The following FBN1 variants were observed in gnomAD, a reference collection of about 807,000 sequenced individuals.
FBN1 encodes the protein fibrillin-1.
Under a neutral mutation model 365.1 loss-of-function variants are expected in FBN1, and 29 were observed. The observed-to-expected ratio is 0.08, with a 90% CI of 0.06 to 0.11. FBN1 has a LOEUF of 0.11. Ranked by LOEUF, FBN1 falls within the 10% of genes least tolerant of loss-of-function variation. The pLI, the probability that FBN1 is intolerant of heterozygous loss-of-function variation, is 1.00. For synonymous variants in FBN1, 1,210 were observed against 1,270.5 expected, an observed-to-expected ratio of 0.95 and a Z score of 1.01; for missense variants, 2,476 against 3,703.2, an observed-to-expected ratio of 0.67 and a Z score of 8.60.
chr15:48,458,569 T>C (rs2141262427), intron 43 of FBN1, among the ~76,000 whole-genome samples: 2 of 152,332 alleles, frequency 1.3e-5, no homozygotes, highest in East Asian at 3.9e-4. Context: ...ACACGAAACA[T>C]CATATTCACA....
intron 43 of FBN1, among the ~76,000 whole-genome samples, chr15:48,457,533 G>T (rs935577336): frequency 2.6e-5 from 4 of 152,160 alleles, no homozygotes; most frequent in South Asian, 4.1e-4. Context: ...GGGCTGGCCA[G>T]CTATGGATAG....
intron 60 of FBN1, among the ~76,000 whole-genome samples, chr15:48,422,888 C>T (rs903472599): frequency 6.6e-6 from 1 of 152,100 alleles, no homozygotes; most frequent in Admixed American, 6.5e-5. Flanking sequence ...GATCGCACCA[C>T]TGCACTCCAG....
intron 32 of FBN1, among the ~76,000 whole-genome samples, chr15:48,479,619 T>G (rs1426665331): frequency 6.6e-6 from 1 of 152,236 alleles, no homozygotes; most frequent in Non-Finnish European, 1.5e-5. Context: ...GAAAAAGATT[T>G]GAAGAGGATC....
At chr15:48,575,318 CATATGTAT>C (rs1398539519) in intron 6 of FBN1, among the ~76,000 whole-genome samples, 6 of 129,422 alleles carry the variant, frequency 4.6e-5, no homozygotes, top group Non-Finnish European at 8.2e-5. Flanking sequence ...TATGTATTTA[CATATGTAT>C]GTATGTATGT....
intron 4 of FBN1, among the ~76,000 whole-genome samples, chr15:48,601,275 G>A (rs1295583205): frequency 6.6e-6 from 1 of 152,212 alleles, no homozygotes; most frequent in Non-Finnish European, 1.5e-5. Flanking sequence ...TTTCTCCAGT[G>A]TTCAGGCTAT....
chr15:48,583,039 T>TGG (rs2044407571), intron 6 of FBN1, among the ~76,000 whole-genome samples: 1 of 152,248 alleles, frequency 6.6e-6, no homozygotes, highest in Non-Finnish European at 1.5e-5. Context: ...ACAGCACCAC[T>TGG]GCACACCTCT....
At chr15:48,423,899 G>C (rs991952979) in intron 60 of FBN1, among the ~76,000 whole-genome samples, 6 of 152,148 alleles carry the variant, frequency 3.9e-5, no homozygotes, top group African/African-American at 1.4e-4. Context: ...CACTCCTAAA[G>C]CCATAAAGAG....
At chr15:48,472,458 TAAAAA>T (rs67860867) in intron 35 of FBN1, 88 bp downstream of exon 35, 431 of 1,180,900 alleles carry the variant, frequency 3.6e-4, no homozygotes, top group African/African-American at 1.4e-3. Context: ...CACCTCAGTT[TAAAAA>T]AAAAAAAAAA....
intron 9 of FBN1, among the ~76,000 whole-genome samples, chr15:48,524,588 G>A (rs116868609): frequency 0.013 from 2,009 of 152,228 alleles, 17 homozygotes; most frequent in Non-Finnish European, 0.021. Context: ...AAGAAGAAAC[G>A]GGGCTTGCCT....
intron 2 of FBN1, among the ~76,000 whole-genome samples, chr15:48,615,505 T>G (rs1889634770): frequency 6.6e-6 from 1 of 152,016 alleles, no homozygotes; most frequent in Non-Finnish European, 1.5e-5. Context: ...ATGTTTAGAA[T>G]CAATCTACAG....
At position 48,516,430 on chromosome 15, in the gene FBN1, T is replaced by A. The variant is rs2043803321; in HGVS notation, c.1148-68A>T. 3.4e-6 allele frequency: 5 copies of A among 1,463,686 alleles called. No homozygotes were observed. The East Asian group carries it at 1.1e-4, about 33-fold the overall frequency. The allele number at this position is 1,463,686 out of a possible 1,614,324, so 90.7% of individuals were successfully genotyped here. ...GCTTATGATCATAGGCCCACAGAAG[T>A]CATCCTTATTTTTTTAAAGATATTT... On this transcript the variant is annotated intron_variant, in intron 10 of 65. Transcript: ENST00000316623.
At chr15:48,460,350 A>G (rs1376458215) in intron 42 of FBN1, 33 bp from the exon 43 acceptor site, 2 of 1,384,110 alleles carry the variant, frequency 1.4e-6, no homozygotes, top group Admixed American at 3.4e-5. Context: ...GGATGGGAGG[A>G]TAGGGGTCAG....
At chr15:48,605,308 T>C (rs1231271670) in intron 4 of FBN1, among the ~76,000 whole-genome samples, 2 of 152,076 alleles carry the variant, frequency 1.3e-5, no homozygotes, top group African/African-American at 4.8e-5. Context: ...CAGAAAAAAG[T>C]TGGAGAAAAT....
intron 6 of FBN1, among the ~76,000 whole-genome samples, chr15:48,547,934 C>A (rs1410148302): frequency 6.6e-6 from 1 of 152,046 alleles, no homozygotes; most frequent in African/African-American, 2.4e-5. Flanking sequence ...GAAGAAAGTA[C>A]AAGCATTACT....
chr15:48,458,381 A>G (rs1003557079), intron 43 of FBN1, among the ~76,000 whole-genome samples: 3 of 152,236 alleles, frequency 2.0e-5, no homozygotes, highest in Non-Finnish European at 4.4e-5. Context: ...TAATGAAAAG[A>G]AACAGCTTAG....
intron 48 of FBN1, 44 bp from the exon 49 acceptor site, chr15:48,444,704 T>C (rs1219312914): frequency 1.2e-6 from 2 of 1,608,516 alleles, no homozygotes; most frequent in Non-Finnish European, 8.5e-7. Flanking sequence ...CCCACTGGCA[T>C]GACTTCCATC....
At chr15:48,611,427 AT>A (rs1219485169) in intron 3 of FBN1, among the ~76,000 whole-genome samples, 2 of 151,914 alleles carry the variant, frequency 1.3e-5, no homozygotes, top group African/African-American at 4.8e-5. Flanking sequence ...TGCCCAGCTA[AT>A]TTTTTGTATT....
chr15:48,638,339 C>T (rs1209904069), intron 2 of FBN1, among the ~76,000 whole-genome samples: 5 of 151,958 alleles, frequency 3.3e-5, no homozygotes, highest in Non-Finnish European at 7.4e-5. Context: ...TCTTGGGAAA[C>T]GAAGGTATAA....
At chr15:48,513,842 T>C (rs868174077) in intron 12 of FBN1, among the ~76,000 whole-genome samples, 174 bp from the exon 13 acceptor site, 2 of 152,228 alleles carry the variant, frequency 1.3e-5, no homozygotes, top group African/African-American at 4.8e-5. Context: ...TGAAGACTGG[T>C]TGAGCAGTTA....
Sources: allele counts gnomAD v4.1 joint callset (sites outside exome capture counted in the v4.1 genomes callset), GRCh38; gene constraint gnomAD v4.1.1; transcripts MANE v1.5; gene names NCBI Gene and HGNC (gene_info 2026-07-23, HGNC 2026-07-21).